The following DYNC1H1 variants were observed in gnomAD, a reference collection of about 807,000 sequenced individuals.
DYNC1H1 encodes the protein cytoplasmic dynein 1 heavy chain 1.
A neutral mutation model predicts 527.1 loss-of-function variants in DYNC1H1; 51 were observed. That is an observed-to-expected ratio of 0.10 (90% CI 0.08 to 0.12). The LOEUF is 0.12. Ranked by LOEUF, DYNC1H1 falls within the 10% of genes least tolerant of loss-of-function variation. The probability of loss-of-function intolerance (pLI) is 1.00; values close to 1 mark genes in which losing one functional copy is unlikely to be tolerated. For synonymous variants in DYNC1H1, 2,189 were observed against 2,278.8 expected (o/e 0.96, Z 1.12); for missense variants, 2,771 against 5,971.8 (o/e 0.46, Z 17.66).
At chr14:102,024,709 TTTG>T in intron 43 of DYNC1H1, among the ~76,000 whole-genome samples, 1 of 148,086 alleles carries the variant, frequency 6.8e-6, no homozygotes, top group African/African-American at 2.5e-5. Context: ...TTTTTTTTTT[TTTG>T]GAGATGGAGT....
chr14:102,005,777 C>A lies in DYNC1H1; in HGVS notation c.5434-111C>A, dbSNP rs2048190151. On this transcript the variant is annotated intron_variant, in intron 26 of 77. Coordinates refer to ENST00000360184, the MANE Select transcript of DYNC1H1 (RefSeq NM_001376.5). The surrounding 1 kb of genome is among the most constrained non-coding windows in gnomAD (Gnocchi z 4.0). Reference sequence around the variant, plus strand: ...GCCTTTTGGAACATTTACTGAAAGCCATTGTAACTGGACCTAGAACCTCAA... The same window carrying A: ...GCCTTTTGGAACATTTACTGAAAGCAATTGTAACTGGACCTAGAACCTCAA... The A allele has an allele frequency of 8.2e-6, 11 of 1,341,958 alleles. No homozygotes were observed. The highest frequency in any genetic ancestry group is 1.1e-5 in the Non-Finnish European group (10 of 940,898). 83.1% of individuals were successfully genotyped at this position (1,341,958 alleles called of 1,614,324 possible). A position where few individuals can be genotyped will look rare whatever the true frequency, so the allele number is the denominator to read the frequency against.
chr14:102,022,695 G>A, intron 42 of DYNC1H1, 56 bp from the exon 43 acceptor site: 2 of 1,612,278 alleles, frequency 1.2e-6, no homozygotes, highest in Non-Finnish European at 1.7e-6. Context: ...GGTGAACATG[G>A]TGCTTCTTCA....
chr14:102,040,698 C>T (rs1290727347), intron 64 of DYNC1H1, 25 bp downstream of exon 64: 6 of 1,613,806 alleles, frequency 3.7e-6, no homozygotes, highest in African/African-American at 1.3e-5. Flanking sequence ...GGTTTTCTTT[C>T]TGGACCTGAA....
intron 2 of DYNC1H1, 75 bp downstream of exon 2, chr14:101,975,874 A>T (rs1206971985): frequency 1.6e-6 from 2 of 1,231,076 alleles, no homozygotes; most frequent in African/African-American, 3.0e-5. Flanking sequence ...TTTCTTTTCA[A>T]ACTCAGAAAT....
rs3818188 is a variant in DYNC1H1 at position 101,979,824 on chromosome 14, G to A, written c.624G>A (p.Pro208=). 307,852 of 1,614,016 alleles carry A rather than the reference G, an allele frequency of 0.19. 33,781 individuals are homozygous for A. The highest frequency in any genetic ancestry group is 0.49 in the East Asian group (22,107 of 44,868). ...TTGAAATTCCGGAGATCAGCCTGCC[G>A]ATTCATCCAATGATCACAAATGTTG... ...QNIEIPEISL[P]IHPMITNVAK... The change falls in exon 4 of 78, where the codon CCG becomes CCA. Residue 208 remains proline, a synonymous_variant. Transcript: ENST00000360184. This position sits in a 1 kb window ranked among gnomAD's most constrained non-coding sequence, Gnocchi z 4.6.
In DYNC1H1 at chr14:102,002,700, A is replaced by G; in HGVS notation, c.4706A>G (p.Gln1569Arg). The G allele has an allele frequency of 1.2e-6, 2 of 1,614,272 alleles. No homozygotes were observed. The highest frequency in any genetic ancestry group is 1.7e-6 in the Non-Finnish European group (2 of 1,180,050). Residue 1569 changes from glutamine to arginine, a missense_variant, in exon 22 of 78, where the codon CAG becomes CGG. Around this residue, in one of 32 missense-constraint regions of DYNC1H1, gnomAD observed 51 missense variants for 189.2 expected, o/e 0.27. Coordinates refer to ENST00000360184, the MANE Select transcript of DYNC1H1 (RefSeq NM_001376.5). This position sits in a 1 kb window ranked among gnomAD's most constrained non-coding sequence, Gnocchi z 4.4. ...CTGCCAGTGGAAACCCAGCGGTTTCAGAGGTATGGCCTCCAGCCAGAGAGC... is the reference window on the plus strand; with the variant it reads ...CTGCCAGTGGAAACCCAGCGGTTTCGGAGGTATGGCCTCCAGCCAGAGAGC... ...HLLPVETQRFQSISTEFLALM... is the reference protein window; with the variant it reads ...HLLPVETQRFRSISTEFLALM...
rs138436224 is a variant in DYNC1H1, at chr14:102,018,291, CGT to C, written c.8178-152_8178-151del. Among the ~76,000 whole-genome samples the C allele has an allele frequency of 6.6e-6, 1 of 152,240 alleles. No homozygotes were observed. The highest frequency in any genetic ancestry group is 1.9e-4 in the East Asian group (1 of 5,182). ...TGTGTCAGACCCCAAGCCTGAGCAG[CGT>C]GTGTGTGATCTCAGCTAACACTGAT... On this transcript the variant is annotated intron_variant, in intron 40 of 77. Coordinates refer to ENST00000360184, the MANE Select transcript of DYNC1H1 (RefSeq NM_001376.5). This position sits in a 1 kb window ranked among gnomAD's most constrained non-coding sequence, Gnocchi z 5.2.
Position 101,979,609 on chromosome 14 carries a change from C to T in DYNC1H1, c.519-110C>T, listed in dbSNP as rs1595597486. 3 of 1,606,150 alleles carry T rather than the reference C, an allele frequency of 1.9e-6. No homozygotes were observed. In the East Asian group the frequency reaches 6.7e-5, roughly 36 times the overall value. On this transcript the variant is annotated intron_variant, in intron 3 of 77. Transcript: ENST00000360184. The surrounding 1 kb of genome is among the most constrained non-coding windows in gnomAD (Gnocchi z 4.6). The stretch of plus-strand genomic sequence containing the variant: ...CTAGTGAGCCGAGGGGATATAAACC[C>T]TGTGTATTAATAAATATGTGTGTCA...
chr14:101,980,671 C>T (rs933829578), intron 5 of DYNC1H1, 121 bp downstream of exon 5: 2 of 1,151,790 alleles, frequency 1.7e-6, no homozygotes, highest in East Asian at 5.1e-5. Context: ...TTAACCATTT[C>T]CTTTCTTACA....
chr14:101,979,292 A>G lies in DYNC1H1; in HGVS notation c.345-27A>G. The G allele has an allele frequency of 1.2e-6, 2 of 1,611,744 alleles. No individual in the cohort carries two copies. Among genetic ancestry groups the G allele is most frequent in the Non-Finnish European group, 1.7e-6 (2 of 1,178,020 alleles). ...GCCTAATTAGGAGTGTAACTTTTCT[A>G]ATTTCTTGTTTTATTTTTCTTTTTA... On this transcript the variant is annotated intron_variant, in intron 2 of 77. Transcript: ENST00000360184. The surrounding 1 kb of genome is among the most constrained non-coding windows in gnomAD (Gnocchi z 4.6).
intron 7 of DYNC1H1, among the ~76,000 whole-genome samples, chr14:101,984,399 A>ATGTG (rs1357179017): frequency 4.3e-3 from 373 of 87,408 alleles, no homozygotes; most frequent in African/African-American, 0.018. Context: ...ATATGCGTAT[A>ATGTG]TATGTGTGTG....
chr14:102,046,305 C>T (rs140876765), intron 72 of DYNC1H1, among the ~76,000 whole-genome samples: 3,147 of 152,304 alleles, frequency 0.021, 48 homozygotes, highest in South Asian at 0.043. Flanking sequence ...GATCAAATCT[C>T]AACTTTTTCT....
In DYNC1H1 at chr14:102,052,503, C is replaced by G. The variant is rs1019412327; in HGVS notation, c.*1940C>G. ...CCCCTGCTCCTCTTGGGCTGGGACC[C>G]CTTCCTGGACTGAGTCTGCTCACCT... On this transcript the variant is annotated 3_prime_UTR_variant, in exon 78 of 78. Coordinates refer to ENST00000360184, the MANE Select transcript of DYNC1H1 (RefSeq NM_001376.5). 1 of 152,348 alleles carries G rather than the reference C, an allele frequency of 6.6e-6. No individual in the cohort carries two copies. Among genetic ancestry groups the G allele is most frequent in the Admixed American group, 6.5e-5 (1 of 15,282 alleles). The allele number at this position is 152,348 out of a possible 1,614,324, so 9.4% of individuals were successfully genotyped here.
rs770360421 is a variant in DYNC1H1, at chr14:102,029,512, T to C, written c.9469-27T>C. 3.1e-6 allele frequency: 5 copies of C among 1,613,678 alleles called. No individual in the cohort carries two copies. Among genetic ancestry groups the C allele is most frequent in the Admixed American group, 3.3e-5 (2 of 59,992 alleles). On this transcript the variant is annotated intron_variant, in intron 48 of 77. Transcript: ENST00000360184. The surrounding 1 kb of genome is among the most constrained non-coding windows in gnomAD (Gnocchi z 5.3). ...TTAAGTCACAGAGTTTCCTGAAGAG[T>C]GAGAAGATGTAACTATTTTCTGAAA...
intron 5 of DYNC1H1, among the ~76,000 whole-genome samples, chr14:101,982,408 A>G (rs2047877895): frequency 6.6e-6 from 1 of 152,086 alleles, no homozygotes. Context: ...CCTGGCTAAC[A>G]TGGTGAAACC....
Position 102,033,593 on chromosome 14 carries a change from A to G in DYNC1H1, c.10413+109A>G. 1 of 1,428,914 alleles carries G rather than the reference A, an allele frequency of 7.0e-7. No homozygotes were observed. Among genetic ancestry groups the G allele is most frequent in the Non-Finnish European group, 9.6e-7 (1 of 1,041,240 alleles). 88.5% of individuals were successfully genotyped at this position (1,428,914 alleles called of 1,614,324 possible). A position where few individuals can be genotyped will look rare whatever the true frequency, so the allele number is the denominator to read the frequency against. On this transcript the variant is annotated intron_variant, in intron 54 of 77. Coordinates refer to ENST00000360184, the MANE Select transcript of DYNC1H1 (RefSeq NM_001376.5). The surrounding 1 kb of genome is among the most constrained non-coding windows in gnomAD (Gnocchi z 5.6). ...GCTGGCCTCGGTGAATTCGCTCTTT[A>G]ACATCTGTAAGGCCCCGGAGGACTT...
intron 16 of DYNC1H1, 146 bp from the exon 17 acceptor site, chr14:101,999,843 C>T: frequency 8.9e-7 from 1 of 1,120,590 alleles, no homozygotes; most frequent in South Asian, 1.3e-5. Context: ...AAGTGGACAT[C>T]TTGTTGAATG....
chr14:101,994,507 G>A (rs1409924056), intron 12 of DYNC1H1, among the ~76,000 whole-genome samples, 166 bp from the exon 13 acceptor site: 3 of 152,198 alleles, frequency 2.0e-5, no homozygotes, highest in Admixed American at 6.5e-5. Context: ...TAACCATGAC[G>A]TTCAAGAATC....
rs2152601092 is a variant in DYNC1H1, at chr14:102,049,595, C to T, written c.13515+13C>T. On this transcript the variant is annotated intron_variant, in intron 75 of 77. Transcript: ENST00000360184. The surrounding 1 kb of genome is among the most constrained non-coding windows in gnomAD (Gnocchi z 5.5). The stretch of plus-strand genomic sequence containing the variant: ...CAAGGAGCTAAAGGTGAAGGCGCTC[C>T]TGACGAGTCTCGGGTGGTCAGCAGC... 6.2e-7 allele frequency: 1 copy of T among 1,613,824 alleles called. No individual in the cohort carries two copies. Among genetic ancestry groups the T allele is most frequent in the Admixed American group, 1.7e-5 (1 of 60,020 alleles).
Sources: allele counts gnomAD v4.1 joint callset (sites outside exome capture counted in the v4.1 genomes callset), GRCh38; gene constraint gnomAD v4.1.1; regional missense constraint gnomAD v4.1.1; non-coding constraint Gnocchi (gnomAD v3.1); transcripts MANE v1.5; gene names NCBI Gene and HGNC (gene_info 2026-07-23, HGNC 2026-07-21).